The following PLCH1 variants were observed in gnomAD, a reference collection of about 807,000 sequenced individuals.
The protein encoded by PLCH1 is 1-phosphatidylinositol 4,5-bisphosphate phosphodiesterase eta-1.
A neutral mutation model predicts 126.7 loss-of-function variants in PLCH1; 60 were observed. The ratio of observed to expected loss-of-function variants is 0.47; its 90% CI spans 0.38 to 0.59. The LOEUF is 0.59. PLCH1 is among the 20% of genes least tolerant of loss of function. PLCH1 has a pLI of 0.00. For synonymous variants in PLCH1, 719 were observed against 734.9 expected, an observed-to-expected ratio of 0.98 and a Z score of 0.35; for missense variants, 1,723 against 2,040.0, an observed-to-expected ratio of 0.84 and a Z score of 2.99.
chr3:155,506,681 C>G (rs1718804279), intron 12 of PLCH1, among the ~76,000 whole-genome samples: 2 of 148,664 alleles, frequency 1.3e-5, no homozygotes, highest in African/African-American at 2.5e-5. Context: ...AGGACATGAA[C>G]TCGTCATTTT....
intron 18 of PLCH1, 93 bp from the exon 19 acceptor site, chr3:155,490,961 G>A (rs966151850): frequency 1.8e-5 from 12 of 685,076 alleles, no homozygotes; most frequent in East Asian, 1.7e-4. Context: ...TCTACATTTC[G>A]ACAGCAACTG....
In PLCH1 at chr3:155,697,583, C is replaced by T. The variant is rs542511371; in HGVS notation, c.79+6563G>A. On this transcript the variant is annotated intron_variant, in intron 2 of 22. Coordinates refer to ENST00000460012, the MANE Select transcript of PLCH1 (RefSeq NM_014996.4). ...TGAGAAGAGACTGTCATCAGCAGGT[C>T]TGAGAAGAGCAAGGGGCAACTTCAC... Among the ~76,000 whole-genome samples the T allele has an allele frequency of 2.0e-5, 3 of 152,296 alleles. No individual in the cohort carries two copies. The East Asian group carries it at 5.8e-4, about 29-fold the overall frequency.
intron 14 of PLCH1, among the ~76,000 whole-genome samples, chr3:155,498,416 T>C (rs1241742441): frequency 2.6e-5 from 4 of 152,194 alleles, no homozygotes; most frequent in Admixed American, 6.5e-5. Flanking sequence ...GTGGGGACTA[T>C]TGTAATGTGG....
In PLCH1 at chr3:155,481,863, A is replaced by G. The variant is rs377640679; in HGVS notation, c.4163T>C (p.Val1388Ala). The change falls in exon 23 of 23, where the codon GTG (valine) becomes GCG (alanine). Residue 1388 changes from valine to alanine, a missense_variant. Coordinates refer to ENST00000460012, the MANE Select transcript of PLCH1 (RefSeq NM_014996.4). The surrounding 1 kb of genome is among the most constrained non-coding windows in gnomAD (Gnocchi z 4.2). Reference sequence around the variant, plus strand: ...CAAACCTCTTTGAAAGTGTTCTACCACACCCTGATTGTACTTGAGTTTTAA... The same window carrying G: ...CAAACCTCTTTGAAAGTGTTCTACCGCACCCTGATTGTACTTGAGTTTTAA... ...SPLKLKYNQG[V>A]VEHFQRGLRN... 1.4e-5 allele frequency: 22 copies of G among 1,614,020 alleles called. No homozygotes were observed. In the African/African-American group the frequency reaches 2.1e-4, roughly 16 times the overall value.
Position 155,514,789 on chromosome 3 carries a change from A to G in PLCH1, c.1566T>C (p.Pro522=), listed in dbSNP as rs200627532. The G allele has an allele frequency of 2.6e-4, 417 of 1,613,304 alleles. No homozygotes were observed. Among genetic ancestry groups the G allele is most frequent in the Middle Eastern group, 9.9e-4 (6 of 6,060 alleles). The change falls in exon 12 of 23, where the codon CCT becomes CCC. Residue 522 remains proline (P), a synonymous_variant. Coordinates refer to ENST00000460012, the MANE Select transcript of PLCH1 (RefSeq NM_014996.4). ...GTAGTGCCCGCACTGTGAAACTATC[A>G]GGATCTTCTTTATCTCGAATTTGAG... ...KESQIRDKED[P]DSFTVRALLK...
chr3:155,498,398 A>C (rs1426320013), intron 14 of PLCH1, among the ~76,000 whole-genome samples: 3 of 152,178 alleles, frequency 2.0e-5, no homozygotes, highest in Admixed American at 2.0e-4. Flanking sequence ...GTCATTTCTC[A>C]TGATGACGTG....
At chr3:155,636,218 A>G (rs1046494887) in intron 2 of PLCH1, among the ~76,000 whole-genome samples, 6 of 152,218 alleles carry the variant, frequency 3.9e-5, no homozygotes, top group African/African-American at 1.4e-4. Flanking sequence ...AGATTCACCC[A>G]GGACTAGGCA....
At chr3:155,661,135 C>G (rs1257157469) in intron 2 of PLCH1, among the ~76,000 whole-genome samples, 1 of 152,260 alleles carries the variant, frequency 6.6e-6, no homozygotes, top group East Asian at 1.9e-4. Flanking sequence ...TCTCATATAC[C>G]ATATAAGAGG....
intron 2 of PLCH1, among the ~76,000 whole-genome samples, chr3:155,700,655 G>C (rs1746204948): frequency 6.6e-6 from 1 of 152,144 alleles, no homozygotes; most frequent in Non-Finnish European, 1.5e-5. Flanking sequence ...TTAGTAAGGA[G>C]CTCAAATGTT....
intron 2 of PLCH1, among the ~76,000 whole-genome samples, chr3:155,671,561 GA>G (rs575865185): frequency 2.6e-5 from 4 of 152,186 alleles, no homozygotes; most frequent in South Asian, 2.1e-4. Context: ...GAAAAAGAAT[GA>G]AAAAATAATT....
chr3:155,736,606 A>C (rs1220429639), intron 1 of PLCH1, among the ~76,000 whole-genome samples: 1 of 152,254 alleles, frequency 6.6e-6, no homozygotes, highest in Non-Finnish European at 1.5e-5. Context: ...GGTTGCAGCC[A>C]ATAGTGATGC....
intron 8 of PLCH1, among the ~76,000 whole-genome samples, chr3:155,561,454 G>T (rs1315701995): frequency 1.3e-5 from 2 of 151,756 alleles, no homozygotes; most frequent in Non-Finnish European, 2.9e-5. Flanking sequence ...CCCTACAAAG[G>T]ACATGAACTC....
At chr3:155,607,276 G>T (rs1192464264) in intron 2 of PLCH1, among the ~76,000 whole-genome samples, 3 of 152,010 alleles carry the variant, frequency 2.0e-5, no homozygotes, top group Admixed American at 6.6e-5. Flanking sequence ...ACTTCTGTTT[G>T]TCTGTGTATT....
At chr3:155,610,301 C>T (rs549286407) in intron 2 of PLCH1, among the ~76,000 whole-genome samples, 20 of 126,850 alleles carry the variant, frequency 1.6e-4, no homozygotes, top group African/African-American at 5.7e-4. Flanking sequence ...GCAGAGGTTG[C>T]GGTGAGCCAA....
intron 10 of PLCH1, among the ~76,000 whole-genome samples, chr3:155,547,482 C>T (rs368740501): frequency 2.8e-5 from 4 of 140,412 alleles, no homozygotes; most frequent in South Asian, 4.9e-4. Flanking sequence ...GTCAGTGTGG[C>T]GATTCCTCAG....
chr3:155,643,968 TTA>T (rs1342552418), intron 2 of PLCH1, among the ~76,000 whole-genome samples: 1 of 152,200 alleles, frequency 6.6e-6, no homozygotes, highest in African/African-American at 2.4e-5. Flanking sequence ...TCCCTGATTG[TTA>T]TGATATGGTG....
In PLCH1 at chr3:155,498,481, C is replaced by T. The variant is rs531610313; in HGVS notation, c.1797-1064G>A. Among the ~76,000 whole-genome samples the T allele has an allele frequency of 2.0e-5, 3 of 152,306 alleles. No homozygotes were observed. The East Asian group carries it at 5.8e-4, about 29-fold the overall frequency. ...GCCTCTTCTCATGCATTTGTGAGTT[C>T]TGCTGTGGAAGGCTGGATTCCCACT... On this transcript the variant is annotated intron_variant, in intron 14 of 22. Coordinates refer to ENST00000460012, the MANE Select transcript of PLCH1 (RefSeq NM_014996.4).
chr3:155,560,581 A>C (rs1727438028), intron 8 of PLCH1, among the ~76,000 whole-genome samples: 3 of 152,144 alleles, frequency 2.0e-5, no homozygotes, highest in African/African-American at 7.2e-5. Context: ...ATACCTGCCC[A>C]TTTTTTAAGC....
intron 1 of PLCH1, among the ~76,000 whole-genome samples, chr3:155,725,310 C>T (rs2109151098): frequency 6.6e-6 from 1 of 152,270 alleles, no homozygotes; most frequent in East Asian, 1.9e-4. Flanking sequence ...AATTGACCCT[C>T]TTTATCTCTA....
Sources: gnomAD v4.1 joint callset for allele counts (sites outside exome capture counted in the v4.1 genomes callset) on GRCh38, gnomAD v4.1.1 for gene constraint, Gnocchi (gnomAD v3.1) non-coding constraint, MANE v1.5 for transcripts, NCBI Gene and HGNC (gene_info 2026-07-23, HGNC 2026-07-21) for gene names.